SLC25A48: variants seen among roughly 807,000 people sequenced by gnomAD.
SLC25A48 encodes CTC-321K16.1.
A neutral mutation model predicts 32.2 loss-of-function variants in SLC25A48; 29 were observed. That is an observed-to-expected ratio of 0.90 (90% CI 0.67 to 1.23). SLC25A48 has a LOEUF of 1.23. SLC25A48 is among the 50% of genes most tolerant of loss of function. The pLI is 0.00. For missense variants in SLC25A48, 399 were observed against 422.7 expected (o/e 0.94, Z 0.49); for synonymous variants, 164 against 172.3 (o/e 0.95, Z 0.38).
At chr5:135,593,784 G>A (rs1751582038) in intron 1 of SLC25A48, among the ~76,000 whole-genome samples, 1 of 152,196 alleles carries the variant, frequency 6.6e-6, no homozygotes, top group Admixed American at 6.5e-5. Context: ...TGATCATAGC[G>A]TTAGTTGTAA....
At chr5:135,721,078 G>A (rs1390889418) in intron 3 of SLC25A48, among the ~76,000 whole-genome samples, 1 of 151,346 alleles carries the variant, frequency 6.6e-6, no homozygotes, top group East Asian at 1.9e-4. Context: ...GTCTCTCTCT[G>A]TCGCCCAGGC....
intron 3 of SLC25A48, among the ~76,000 whole-genome samples, chr5:135,750,853 G>C (rs1191081312): frequency 1.3e-5 from 2 of 151,930 alleles, no homozygotes; most frequent in East Asian, 3.9e-4. Context: ...TAGCAAATGT[G>C]ACACAAGCAA....
intron 1 of SLC25A48, among the ~76,000 whole-genome samples, chr5:135,601,716 T>C (rs1751799882): frequency 1.3e-5 from 2 of 152,210 alleles, no homozygotes; most frequent in Non-Finnish European, 2.9e-5. Context: ...CTTCTTGCCC[T>C]CTCTGATCTA....
At chr5:135,756,579 G>C (rs1755912290) in intron 3 of SLC25A48, among the ~76,000 whole-genome samples, 1 of 152,126 alleles carries the variant, frequency 6.6e-6, no homozygotes, top group African/African-American at 2.4e-5. Context: ...GCTGAGGCAT[G>C]AGAATCACTT....
intron 4 of SLC25A48, among the ~76,000 whole-genome samples, chr5:135,829,474 G>A (rs1436967193): frequency 6.6e-6 from 1 of 152,166 alleles, no homozygotes; most frequent in East Asian, 1.9e-4. Flanking sequence ...TATCGCCGCG[G>A]CCCAGAATTT....
intron 3 of SLC25A48, among the ~76,000 whole-genome samples, chr5:135,783,676 G>A (rs141580349): frequency 8.7e-6 from 1 of 115,478 alleles, no homozygotes; most frequent in Admixed American, 8.8e-5. Flanking sequence ...AAGAGAGGCA[G>A]ATATTACTCC....
intron 2 of SLC25A48, 87 bp from the exon 3 acceptor site, chr5:135,850,322 GGCGGGGGTCACTATGA>G (rs1759740698): frequency 8.6e-7 from 1 of 1,167,740 alleles, no homozygotes; most frequent in Non-Finnish European, 1.3e-6. Flanking sequence ...ACCCTTTGCT[GGCGGGGGTCACTATGA>G]GCAGGGCCTT....
chr5:135,774,018 C>T lies in SLC25A48; in HGVS notation c.-520-38505C>T, dbSNP rs183798016. On this transcript the variant is annotated intron_variant, in intron 3 of 10. Transcript: ENST00000646290. ...AAGAGGATGATATTACTCCCAATATCGCAGGCAGTCTACACCTCCCAAAAT... is the reference window on the plus strand; with the variant it reads ...AAGAGGATGATATTACTCCCAATATTGCAGGCAGTCTACACCTCCCAAAAT... Among the ~76,000 whole-genome samples, 30 of 151,706 alleles carry T rather than the reference C, an allele frequency of 2.0e-4. No individual in the cohort carries two copies. In the East Asian group the frequency reaches 3.9e-3, roughly 20 times the overall value.
chr5:135,594,896 C>A (rs536624564), intron 1 of SLC25A48, among the ~76,000 whole-genome samples: 1 of 152,266 alleles, frequency 6.6e-6, no homozygotes, highest in African/African-American at 2.4e-5. Context: ...GCCCAATGAT[C>A]ATGATGCATA....
At chr5:135,619,151 A>G (rs1170841451) in intron 1 of SLC25A48, among the ~76,000 whole-genome samples, 1 of 151,788 alleles carries the variant, frequency 6.6e-6, no homozygotes, top group Non-Finnish European at 1.5e-5. Context: ...TCACTTTATG[A>G]TGTTTTATGT....
intron 3 of SLC25A48, among the ~76,000 whole-genome samples, chr5:135,730,380 C>T (rs979572641): frequency 1.3e-5 from 2 of 152,072 alleles, no homozygotes; most frequent in African/African-American, 4.8e-5. Context: ...AGAGGCATTC[C>T]CCTGCACAAG....
At chr5:135,840,397 T>C (rs532978080) in intron 1 of SLC25A48, among the ~76,000 whole-genome samples, 1 of 152,350 alleles carries the variant, frequency 6.6e-6, no homozygotes, top group East Asian at 1.9e-4. Flanking sequence ...TCTTTACACA[T>C]ACCCTACCCC....
At chr5:135,750,620 T>TG (rs1202517347) in intron 3 of SLC25A48, among the ~76,000 whole-genome samples, 1 of 152,098 alleles carries the variant, frequency 6.6e-6, no homozygotes, top group Non-Finnish European at 1.5e-5. Context: ...TATACAGGGA[T>TG]GGGGGGCAAT....
At chr5:135,605,768 C>T (rs539117116) in intron 1 of SLC25A48, among the ~76,000 whole-genome samples, 40 of 152,106 alleles carry the variant, frequency 2.6e-4, no homozygotes, top group African/African-American at 8.0e-4. Flanking sequence ...TCTTGGATCC[C>T]GGGAAAATGT....
At position 135,681,455 on chromosome 5, in the gene SLC25A48, C is replaced by T. The variant is rs144374167; in HGVS notation, c.-521+46499C>T. 9.3e-4 allele frequency among the ~76,000 whole-genome samples: 141 copies of T among 152,272 alleles called. 1 individual carries two copies. In the East Asian group the frequency reaches 0.021, roughly 23 times the overall value. On this transcript the variant is annotated intron_variant, in intron 3 of 10. Coordinates refer to the SLC25A48 transcript ENST00000646290. ...ATGTCTCTCCTTGACATTTTACTTTCGTCTATCTTCTAGAACACAGAGAAT... is the reference window on the plus strand; with the variant it reads ...ATGTCTCTCCTTGACATTTTACTTTTGTCTATCTTCTAGAACACAGAGAAT...
chr5:135,601,984 T>G (rs529616710), intron 1 of SLC25A48, among the ~76,000 whole-genome samples: 197 of 152,340 alleles, frequency 1.3e-3, no homozygotes, highest in Non-Finnish European at 2.1e-3. Flanking sequence ...GTTAATCACT[T>G]GTACAGTGCC....
chr5:135,878,254 G>A (rs1455292559), intron 6 of SLC25A48, among the ~76,000 whole-genome samples: 2 of 152,176 alleles, frequency 1.3e-5, no homozygotes, highest in Non-Finnish European at 2.9e-5. Context: ...TGGGACAGAA[G>A]GCTCACACTC....
chr5:135,810,340 T>C (rs1044082294), intron 3 of SLC25A48, among the ~76,000 whole-genome samples: 1 of 152,234 alleles, frequency 6.6e-6, no homozygotes, highest in Non-Finnish European at 1.5e-5. Flanking sequence ...ATCTGTGGAT[T>C]GTGAAACTCA....
At chr5:135,685,019 A>C (rs1012324648) in intron 3 of SLC25A48, among the ~76,000 whole-genome samples, 2 of 152,190 alleles carry the variant, frequency 1.3e-5, no homozygotes, top group Non-Finnish European at 2.9e-5. Context: ...TTACACTCTC[A>C]CGAGCAGTGT....
Sources: gnomAD v4.1 joint callset for allele counts (sites outside exome capture counted in the v4.1 genomes callset) on GRCh38, gnomAD v4.1.1 for gene constraint, MANE v1.5 for transcripts, NCBI Gene and HGNC (gene_info 2026-07-23, HGNC 2026-07-21) for gene names.